The following RBFOX2 variants were observed in gnomAD, a reference collection of about 807,000 sequenced individuals.
The protein encoded by RBFOX2 is RNA binding protein fox-1 homolog 2.
In RBFOX2, 10 loss-of-function variants were observed where a neutral mutation model predicts 49.1. That is an observed-to-expected ratio of 0.20 (90% CI 0.13 to 0.35). The LOEUF (loss-of-function observed/expected upper bound fraction) is 0.35, where lower values mean the gene tolerates loss of function less well. Among genes scored for constraint, RBFOX2 ranks in the 10% least tolerant of loss-of-function variants. The pLI, the probability that RBFOX2 is intolerant of heterozygous loss-of-function variation, is 1.00. For missense variants in RBFOX2, 323 were observed against 486.9 expected, an observed-to-expected ratio of 0.66 and a Z score of 3.17; for synonymous variants, 183 against 187.4, an observed-to-expected ratio of 0.98 and a Z score of 0.19.
chr22:35,765,639 T>C lies in RBFOX2; in HGVS notation c.547-156A>G, dbSNP rs1025434880. ...CACAGCAATATAAAATATTAATATA[T>C]AGTATTTTAATTAAAGTTCTTATCA... On this transcript the variant is annotated intron_variant, in intron 5 of 11. Transcript: ENST00000405409. 5.9e-5 allele frequency among the ~76,000 whole-genome samples: 9 copies of C among 152,176 alleles called. No homozygotes were observed. The East Asian group carries it at 1.5e-3, about 26-fold the overall frequency.
At chr22:35,850,446 G>T (rs888573046) in intron 1 of RBFOX2, among the ~76,000 whole-genome samples, 1 of 152,116 alleles carries the variant, frequency 6.6e-6, no homozygotes, top group Non-Finnish European at 1.5e-5. Context: ...TAGAAAAGAA[G>T]AAAGTGGCCC....
intron 1 of RBFOX2, among the ~76,000 whole-genome samples, chr22:36,024,446 G>C (rs962978442): frequency 6.6e-6 from 1 of 152,102 alleles, no homozygotes; most frequent in East Asian, 1.9e-4. Flanking sequence ...GTTAGAAAAC[G>C]TGTTAAGAAA....
chr22:36,013,932 C>T (rs1603467103), intron 1 of RBFOX2, among the ~76,000 whole-genome samples: 1 of 151,760 alleles, frequency 6.6e-6, no homozygotes, highest in South Asian at 2.1e-4. Context: ...ATTAACTTAC[C>T]GGTAGGGAAT....
rs77149014 is a variant in RBFOX2, at chr22:35,985,225, G to A, written c.186+43015C>T. On this transcript the variant is annotated intron_variant, in intron 1 of 13. Transcript: ENST00000438146. ...TGAACAACAAAAAAAGAGTAAGAAA[G>A]GCAAAAGTAAAATACTAGTAGAAAT... Among the ~76,000 whole-genome samples the A allele has an allele frequency of 3.8e-3, 576 of 152,236 alleles. 5 individuals carry two copies. The highest frequency in any genetic ancestry group is 0.013 in the African/African-American group (554 of 41,540).
At chr22:35,862,756 A>C (rs953391112) in intron 1 of RBFOX2, among the ~76,000 whole-genome samples, 1 of 152,192 alleles carries the variant, frequency 6.6e-6, no homozygotes, top group Non-Finnish European at 1.5e-5. Flanking sequence ...GTGTAATTTG[A>C]GAAAAGTTAT....
intron 1 of RBFOX2, among the ~76,000 whole-genome samples, chr22:35,972,159 C>G (rs182593634): frequency 6.6e-6 from 1 of 152,150 alleles, no homozygotes; most frequent in African/African-American, 2.4e-5. Flanking sequence ...AGTCTTCATG[C>G]AACTAAAATC....
intron 1 of RBFOX2, among the ~76,000 whole-genome samples, chr22:35,969,272 A>C (rs1385135274): frequency 6.6e-6 from 1 of 152,148 alleles, no homozygotes; most frequent in Non-Finnish European, 1.5e-5. Context: ...CATTAATTAA[A>C]AAAAAAAGCA....
At chr22:35,921,371 C>T (rs2051004011) in intron 1 of RBFOX2, among the ~76,000 whole-genome samples, 1 of 152,210 alleles carries the variant, frequency 6.6e-6, no homozygotes. Context: ...ACCCCATCCT[C>T]AGAGTTTCTG....
At chr22:35,999,779 T>C (rs2058335140) in intron 1 of RBFOX2, 1 of 152,024 alleles carries the variant, frequency 6.6e-6, no homozygotes, top group South Asian at 2.1e-4. Flanking sequence ...CTACTGTCCA[T>C]GCTTAGCAGA....
chr22:35,898,241 C>A (rs1160413542), intron 1 of RBFOX2: 2 of 757,642 alleles, frequency 2.6e-6, no homozygotes, highest in African/African-American at 3.4e-5. Context: ...CCAGTGGCCA[C>A]AATCCCACTG....
chr22:35,877,996 AG>A (rs753686595), intron 1 of RBFOX2, among the ~76,000 whole-genome samples: 3 of 151,676 alleles, frequency 2.0e-5, no homozygotes, highest in South Asian at 2.1e-4. Context: ...TGGGAAAAAA[AG>A]TTTTTATTTT....
chr22:35,778,201 T>C (rs1317324234), intron 3 of RBFOX2, 123 bp from the exon 5 acceptor site: 3 of 777,688 alleles, frequency 3.9e-6, no homozygotes, highest in Non-Finnish European at 6.2e-6. Flanking sequence ...AACTTCTATG[T>C]TTGTATTTGT....
chr22:35,907,481 C>G (rs1010675538), intron 1 of RBFOX2, among the ~76,000 whole-genome samples: 1 of 152,092 alleles, frequency 6.6e-6, no homozygotes, highest in African/African-American at 2.4e-5. Flanking sequence ...AACCAGACAG[C>G]GCCATATTAG....
Position 36,021,245 on chromosome 22 carries a change from C to G in RBFOX2, c.186+6995G>C, listed in dbSNP as rs965135080. Among the ~76,000 whole-genome samples, 6 of 90,412 alleles carry G rather than the reference C, an allele frequency of 6.6e-5. No individual in the cohort carries two copies. In the East Asian group the frequency reaches 1.2e-3, roughly 18 times the overall value. The allele number at this position is 90,412 out of a possible 152,430, so 59.3% of individuals were successfully genotyped here. On this transcript the variant is annotated intron_variant, in intron 1 of 13. Coordinates refer to the RBFOX2 transcript ENST00000438146. ...GGAACATCACACAATGGGGCCTGTC[C>G]TGGGGTGGGGGGAGGGGGGAGGGAT...
chr22:35,898,476 A>G (rs2048151410), intron 1 of RBFOX2: 1 of 378,678 alleles, frequency 2.6e-6, no homozygotes, highest in Admixed American at 4.0e-5. Flanking sequence ...CCCAGGCTGC[A>G]GTGCAGTGGC....
At chr22:35,752,199 C>T (rs570727495) in intron 9 of RBFOX2, among the ~76,000 whole-genome samples, 1 of 152,256 alleles carries the variant, frequency 6.6e-6, no homozygotes, top group South Asian at 2.1e-4. Context: ...ATTCAGAAAT[C>T]CTATTTGTAC....
chr22:35,840,321 G>A, exon 1 of RBFOX2: 1 of 1,583,848 alleles, frequency 6.3e-7, no homozygotes, highest in Non-Finnish European at 8.7e-7. Flanking sequence ...AGCTATTTAA[G>A]GGTGGGTAAT....
At chr22:35,992,872 G>C (rs779638857) in intron 1 of RBFOX2, 1 of 152,090 alleles carries the variant, frequency 6.6e-6, no homozygotes, top group African/African-American at 2.4e-5. Context: ...ACTCAGCCTC[G>C]TATGTAAATG....
At chr22:35,848,866 TAC>T (rs896255883) in intron 1 of RBFOX2, among the ~76,000 whole-genome samples, 3 of 152,144 alleles carry the variant, frequency 2.0e-5, no homozygotes, top group Non-Finnish European at 2.9e-5. Context: ...TCATTTTATA[TAC>T]AACAAAACTA....
Sources: allele counts gnomAD v4.1 joint callset (sites outside exome capture counted in the v4.1 genomes callset), GRCh38; gene constraint gnomAD v4.1.1; transcripts MANE v1.5; gene names NCBI Gene and HGNC (gene_info 2026-07-23, HGNC 2026-07-21).